GTSE1: variants seen among roughly 807,000 people sequenced by gnomAD.
The protein encoded by GTSE1 is G2 and S phase-expressed protein 1.
In GTSE1, 52 loss-of-function variants were observed where a neutral mutation model predicts 60.5. The observed-to-expected ratio is 0.86, with a 90% CI of 0.69 to 1.08. The LOEUF (loss-of-function observed/expected upper bound fraction) is 1.08. Among genes scored for constraint, GTSE1 ranks in the 50% least tolerant of loss-of-function variants. GTSE1 has a pLI of 0.00. For missense variants in GTSE1, 937 were observed against 961.8 expected (o/e 0.97, Z 0.34); for synonymous variants, 368 against 386.5 (o/e 0.95, Z 0.56).
rs952557365 is a variant in GTSE1, at chr22:46,321,882, T to A, written c.1433-1308T>A. Among the ~76,000 whole-genome samples, 1 of 152,100 alleles carries A rather than the reference T, an allele frequency of 6.6e-6. No individual in the cohort carries two copies. Among genetic ancestry groups the A allele is most frequent in the African/African-American group, 2.4e-5 (1 of 41,426 alleles). ...TGAGGTCAGGAGTTCAAGACCAGCCTGGCCAACATGGCAAAACCCTGTCTC... is the reference window on the plus strand; with the variant it reads ...TGAGGTCAGGAGTTCAAGACCAGCCAGGCCAACATGGCAAAACCCTGTCTC... On this transcript the variant is annotated intron_variant, in intron 7 of 11. Coordinates refer to ENST00000454366, the MANE Select transcript of GTSE1 (RefSeq NM_016426.7). The surrounding 1 kb of genome is among the most constrained non-coding windows in gnomAD (Gnocchi z 4.0).
rs149905369 is a variant in GTSE1, at chr22:46,308,730, C to G, written c.549C>G (p.Leu183=). ...GGCCCCCTGTGGGTGAGCCTCGGCT[C>G]TTGGCCTCCTCCCCGGCCCTGCCCA... ...LLGPPVGEPR[L]LASSPALPSS... is the part of the protein sequence containing the mutation. The change falls in exon 4 of 12, where the codon CTC becomes CTG. Residue 183 remains leucine (L), a synonymous_variant. Transcript: ENST00000454366. 1.5e-3 allele frequency: 2,480 copies of G among 1,613,526 alleles called. 13 individuals are homozygous for G. The highest frequency in any genetic ancestry group is 6.9e-3 in the Middle Eastern group (42 of 6,060).
rs2077664499 is a variant in GTSE1 at position 46,297,541 on chromosome 22, T to TA, written c.79+62_79+63insA. 3 of 1,126,134 alleles carry TA rather than the reference T, an allele frequency of 2.7e-6. No homozygotes were observed. The highest frequency in any genetic ancestry group is 4.0e-6 in the Non-Finnish European group (3 of 754,868). 69.8% of individuals were successfully genotyped at this position (1,126,134 alleles called of 1,614,324 possible). A position where few individuals can be genotyped will look rare whatever the true frequency, so the allele number is the denominator to read the frequency against. On this transcript the variant is annotated intron_variant, in intron 2 of 11. Coordinates refer to ENST00000454366, the MANE Select transcript of GTSE1 (RefSeq NM_016426.7). This position sits in a 1 kb window ranked among gnomAD's most constrained non-coding sequence, Gnocchi z 4.9. ...GATGTTCAGTAGAGATGGAGGGTGA[T>TA]TTAATGTTTCCCTGAGAAATTCTTT...
intron 9 of GTSE1, 57 bp downstream of exon 9, chr22:46,326,711 ACAGTGACATACCTTTTT>A (rs2147833911): frequency 8.4e-7 from 1 of 1,191,178 alleles, no homozygotes; most frequent in Non-Finnish European, 1.2e-6. Flanking sequence ...GCTGTCCCAG[ACAGTGACATACCTTTTT>A]CTTGCCTTGC....
chr22:46,301,294 G>A (rs540746680), intron 2 of GTSE1, among the ~76,000 whole-genome samples: 27 of 152,266 alleles, frequency 1.8e-4, no homozygotes, highest in Admixed American at 8.5e-4. Flanking sequence ...GACTTGCTGG[G>A]TCGAAGAGGG....
Position 46,319,217 on chromosome 22 carries a change from C to T in GTSE1, c.1432+2805C>T, listed in dbSNP as rs955048899. On this transcript the variant is annotated intron_variant, in intron 7 of 11. Coordinates refer to ENST00000454366, the MANE Select transcript of GTSE1 (RefSeq NM_016426.7). The surrounding 1 kb of genome is among the most constrained non-coding windows in gnomAD (Gnocchi z 5.0). ...CTCCCAGAGCGCCGCGTGACCAGAG[C>T]GGACCCTGGAGTACCGTCAGTGCAG... is the stretch of plus-strand genomic sequence containing the variant. Among the ~76,000 whole-genome samples the T allele has an allele frequency of 2.0e-5, 3 of 152,172 alleles. No individual in the cohort carries two copies. The highest frequency in any genetic ancestry group is 4.4e-5 in the Non-Finnish European group (3 of 68,030).
chr22:46,316,273 G>A lies in GTSE1; in HGVS notation c.1293G>A (p.Leu431=). 1 of 1,613,958 alleles carries A rather than the reference G, an allele frequency of 6.2e-7. No homozygotes were observed. Among genetic ancestry groups the A allele is most frequent in the Non-Finnish European group, 8.5e-7 (1 of 1,180,028 alleles). ...PQTPEGGGQW[L]NSSCAWSESS... ...CTCCGGAAGGTGGCGGCCAGTGGCT[G>A]AACTCCAGTTGCGCTTGGTCAGAAT... The change falls in exon 7 of 12, where the codon CTG becomes CTA. Residue 431 remains leucine (L), a synonymous_variant. Transcript: ENST00000454366. The surrounding 1 kb of genome is among the most constrained non-coding windows in gnomAD (Gnocchi z 5.0).
Position 46,321,160 on chromosome 22 carries a change from T to C in GTSE1, c.1433-2030T>C, listed in dbSNP as rs1315024207. 6.6e-6 allele frequency among the ~76,000 whole-genome samples: 1 copy of C among 151,892 alleles called. No individual in the cohort carries two copies. Among genetic ancestry groups the C allele is most frequent in the African/African-American group, 2.4e-5 (1 of 41,304 alleles). On this transcript the variant is annotated intron_variant, in intron 7 of 11. Coordinates refer to ENST00000454366, the MANE Select transcript of GTSE1 (RefSeq NM_016426.7). The surrounding 1 kb of genome is among the most constrained non-coding windows in gnomAD (Gnocchi z 4.0). ...CAAGAATGTTCCCAAAAGACAGGGA[T>C]TATGGGATGACTTAGTCACAGACCA...
In GTSE1 at chr22:46,318,776, C is replaced by T. The variant is rs527601188; in HGVS notation, c.1432+2364C>T. Among the ~76,000 whole-genome samples the T allele has an allele frequency of 3.3e-5, 5 of 152,218 alleles. No homozygotes were observed. Among genetic ancestry groups the T allele is most frequent in the Admixed American group, 6.5e-5 (1 of 15,290 alleles). ...AGGGTGGGAGTGCAGCCGCTGCGGTCGGGATTCTGCGTAGACGTGCGACAG... is the reference window on the plus strand; with the variant it reads ...AGGGTGGGAGTGCAGCCGCTGCGGTTGGGATTCTGCGTAGACGTGCGACAG... On this transcript the variant is annotated intron_variant, in intron 7 of 11. Coordinates refer to ENST00000454366, the MANE Select transcript of GTSE1 (RefSeq NM_016426.7). This position sits in a 1 kb window ranked among gnomAD's most constrained non-coding sequence, Gnocchi z 4.8.
At position 46,317,504 on chromosome 22, in the gene GTSE1, CGACT is replaced by C. The variant is rs1245216339; in HGVS notation, c.1432+1097_1432+1100del. Reference sequence around the variant, plus strand: ...TTCCCCATCATTTTGGGGTCTGTTTCGACTGACTAATTTTGTTTCCGGGTTTTGG... The same window carrying C: ...TTCCCCATCATTTTGGGGTCTGTTTCGACTAATTTTGTTTCCGGGTTTTGG... On this transcript the variant is annotated intron_variant, in intron 7 of 11. Transcript: ENST00000454366. The surrounding 1 kb of genome is among the most constrained non-coding windows in gnomAD (Gnocchi z 5.6). Among the ~76,000 whole-genome samples, 9 of 152,106 alleles carry C rather than the reference CGACT, an allele frequency of 5.9e-5. No individual in the cohort carries two copies. Among genetic ancestry groups the C allele is most frequent in the African/African-American group, 2.2e-4 (9 of 41,398 alleles).
In GTSE1 at chr22:46,308,315, A is replaced by G; in HGVS notation, c.138-4A>G. 6.2e-7 allele frequency: 1 copy of G among 1,611,192 alleles called. No homozygotes were observed. ...TATTAATCATTCTTTTTTTAAACAA[A>G]TAGTGCAAATGAAGATGATGAAGTC... On this transcript the variant is annotated splice_region_variant and splice_polypyrimidine_tract_variant and intron_variant, in intron 3 of 11. Coordinates refer to ENST00000454366, the MANE Select transcript of GTSE1 (RefSeq NM_016426.7).
In GTSE1 at chr22:46,313,791, G is replaced by C; in HGVS notation, c.928-99G>C. 7.4e-7 allele frequency: 1 copy of C among 1,350,646 alleles called. No homozygotes were observed. Among genetic ancestry groups the C allele is most frequent in the Non-Finnish European group, 1.0e-6 (1 of 960,172 alleles). The allele number at this position is 1,350,646 out of a possible 1,614,324, so 83.7% of individuals were successfully genotyped here. A position where few individuals can be genotyped will look rare whatever the true frequency, so the allele number is the denominator to read the frequency against. On this transcript the variant is annotated intron_variant, in intron 5 of 11. Transcript: ENST00000454366. This position sits in a 1 kb window ranked among gnomAD's most constrained non-coding sequence, Gnocchi z 4.4. ...CAAAGTGCTGGGATTACAGGCGTGA[G>C]CCACCGTGCCCAGCCAAAAACCCCT... is the stretch of plus-strand genomic sequence containing the variant.
At chr22:46,301,697 C>T (rs2077690200) in intron 2 of GTSE1, among the ~76,000 whole-genome samples, 1 of 151,880 alleles carries the variant, frequency 6.6e-6, no homozygotes, top group South Asian at 2.1e-4. Flanking sequence ...CCATGTTGGC[C>T]AGGCTGGTCT....
rs950802299 is a variant in GTSE1 at position 46,320,020 on chromosome 22, C to T, written c.1433-3170C>T. Among the ~76,000 whole-genome samples, 3 of 151,436 alleles carry T rather than the reference C, an allele frequency of 2.0e-5. No individual in the cohort carries two copies. The highest frequency in any genetic ancestry group is 6.6e-5 in the Admixed American group (1 of 15,206). ...AAGAAAGAAAGAAAGAAAAGAAATG[C>T]GAGCTGTGATTGGGTGGGTTCTGCA... On this transcript the variant is annotated intron_variant, in intron 7 of 11. Transcript: ENST00000454366. The surrounding 1 kb of genome is among the most constrained non-coding windows in gnomAD (Gnocchi z 7.1).
chr22:46,316,096 G>C lies in GTSE1; in HGVS notation c.1116G>C (p.Lys372Asn). The C allele has an allele frequency of 6.4e-7, 1 of 1,551,418 alleles. No individual in the cohort carries two copies. Among genetic ancestry groups the C allele is most frequent in the African/African-American group, 1.4e-5 (1 of 73,256 alleles). The stretch of plus-strand genomic sequence containing the variant: ...CCCGGCCTCTGTCAAACATCAGCAA[G>C]TCAGGCAGAATGGGACCCGCCATGC... ...NSSRPLSNISKSGRMGPAMLR... is the reference protein window; with the variant it reads ...NSSRPLSNISNSGRMGPAMLR... The change falls in exon 7 of 12, where the codon AAG (lysine) becomes AAC (asparagine). Residue 372 changes from lysine (K) to asparagine (N), a missense_variant. Transcript: ENST00000454366. The surrounding 1 kb of genome is among the most constrained non-coding windows in gnomAD (Gnocchi z 5.0).
chr22:46,303,869 C>A (rs1371746302), intron 2 of GTSE1, among the ~76,000 whole-genome samples: 1 of 152,136 alleles, frequency 6.6e-6, no homozygotes, highest in Non-Finnish European at 1.5e-5. Context: ...GGTTCTTTTC[C>A]TTCCTGCCAT....
rs1037776960 is a variant in GTSE1 at position 46,320,518 on chromosome 22, C to T, written c.1433-2672C>T. Among the ~76,000 whole-genome samples, 4 of 152,156 alleles carry T rather than the reference C, an allele frequency of 2.6e-5. No individual in the cohort carries two copies. Among genetic ancestry groups the T allele is most frequent in the Non-Finnish European group, 5.9e-5 (4 of 68,026 alleles). ...GGCTGAGAGCACTGGTGGTGTTGCTCATTGGCTGTGACACCAGCTGTCACC... is the reference window on the plus strand; with the variant it reads ...GGCTGAGAGCACTGGTGGTGTTGCTTATTGGCTGTGACACCAGCTGTCACC... On this transcript the variant is annotated intron_variant, in intron 7 of 11. Transcript: ENST00000454366. The surrounding 1 kb of genome is among the most constrained non-coding windows in gnomAD (Gnocchi z 7.1).
rs141501144 is a variant in GTSE1 at position 46,308,680 on chromosome 22, T to A, written c.499T>A (p.Tyr167Asn). Residue 167 changes from tyrosine (Y) to asparagine (N), a missense_variant, in exon 4 of 12, where the codon TAC becomes AAC. Transcript: ENST00000454366. ...CACGTCTCTTAAAAGGGAGACATAC[T>A]ACCTGTCAGACAGCCCCTTGCTGGG... ...SPTSLKRETY[Y>N]LSDSPLLGPP... is the part of the protein sequence containing the mutation. 1.4e-5 allele frequency: 22 copies of A among 1,613,956 alleles called. No homozygotes were observed. In the East Asian group the frequency reaches 4.7e-4, roughly 34 times the overall value.
rs1401558684 is a variant in GTSE1 at position 46,320,304 on chromosome 22, C to T, written c.1433-2886C>T. ...CGCACCTCTCAGATGTGCATTTCAC[C>T]TTCGGCAGGCGGTTCCTCCTCTCTC... On this transcript the variant is annotated intron_variant, in intron 7 of 11. Transcript: ENST00000454366. The surrounding 1 kb of genome is among the most constrained non-coding windows in gnomAD (Gnocchi z 7.1). Among the ~76,000 whole-genome samples, 1 of 152,188 alleles carries T rather than the reference C, an allele frequency of 6.6e-6. No individual in the cohort carries two copies. Among genetic ancestry groups the T allele is most frequent in the East Asian group, 1.9e-4 (1 of 5,192 alleles).
chr22:46,315,617 C>G (rs2077774376), intron 6 of GTSE1, among the ~76,000 whole-genome samples: 1 of 152,220 alleles, frequency 6.6e-6, no homozygotes, highest in Non-Finnish European at 1.5e-5. Context: ...GACGCAGCCT[C>G]CTTGTAATTT....
Sources: gnomAD v4.1 joint callset for allele counts (sites outside exome capture counted in the v4.1 genomes callset) on GRCh38, gnomAD v4.1.1 for gene constraint, Gnocchi (gnomAD v3.1) non-coding constraint, MANE v1.5 for transcripts, NCBI Gene and HGNC (gene_info 2026-07-23, HGNC 2026-07-21) for gene names.